SIPA1L2: variants seen among roughly 807,000 people sequenced by gnomAD.
The protein encoded by SIPA1L2 is signal-induced proliferation-associated 1-like protein 2.
A neutral mutation model predicts 163.9 loss-of-function variants in SIPA1L2; 56 were observed. That is an observed-to-expected ratio of 0.34 (90% CI 0.28 to 0.43). The LOEUF is 0.43. Ranked by LOEUF, SIPA1L2 falls within the 20% of genes least tolerant of loss-of-function variation. The pLI is 1.00. For synonymous variants in SIPA1L2, 877 were observed against 865.7 expected, an observed-to-expected ratio of 1.01 and a Z score of -0.23; for missense variants, 1,974 against 2,193.5, an observed-to-expected ratio of 0.90 and a Z score of 2.00.
At chr1:232,559,095 T>C (rs1046975376) in intron 2 of SIPA1L2, among the ~76,000 whole-genome samples, 5 of 152,180 alleles carry the variant, frequency 3.3e-5, no homozygotes, top group Non-Finnish European at 7.3e-5. Context: ...AGTAGAAGAA[T>C]GTCTGAATTT....
Position 232,439,227 on chromosome 1 carries a change from A to T in SIPA1L2, c.3912T>A (p.Ser1304=). ...AEQWADAADV[S]GPDDEPAKLY... ...ACTTGGCTGGCTCGTCGTCAGGCCC[A>T]GAGACGTCGGCAGCATCAGCCCACT... Residue 1304 remains serine, a synonymous_variant, in exon 15 of 23, where the codon TCT becomes TCA. Coordinates refer to ENST00000674635, the MANE Select transcript of SIPA1L2 (RefSeq NM_020808.5). 6.2e-7 allele frequency: 1 copy of T among 1,613,928 alleles called. No individual in the cohort carries two copies. Among genetic ancestry groups the T allele is most frequent in the East Asian group, 2.2e-5 (1 of 44,888 alleles).
At chr1:232,540,050 T>A (rs982491389) in intron 2 of SIPA1L2, among the ~76,000 whole-genome samples, 1 of 152,094 alleles carries the variant, frequency 6.6e-6, no homozygotes, top group African/African-American at 2.4e-5. Context: ...ACACCTGTAA[T>A]CCCAGCATTT....
At chr1:232,437,580 T>C (rs569815594) in intron 15 of SIPA1L2, among the ~76,000 whole-genome samples, 1 of 152,232 alleles carries the variant, frequency 6.6e-6, no homozygotes, top group African/African-American at 2.4e-5. Context: ...AATAATGTCC[T>C]GCTTCTCTTC....
intron 1 of SIPA1L2, among the ~76,000 whole-genome samples, chr1:232,626,485 T>C (rs1663086158): frequency 6.6e-6 from 1 of 152,150 alleles, no homozygotes; most frequent in South Asian, 2.1e-4. Flanking sequence ...AAGATCTGGC[T>C]CCCTTCTACA....
intron 10 of SIPA1L2, among the ~76,000 whole-genome samples, chr1:232,452,663 C>CGTCA (rs1182311932): frequency 6.6e-6 from 1 of 152,158 alleles, no homozygotes; most frequent in Middle Eastern, 3.2e-3. Context: ...GCAGGCTGAC[C>CGTCA]GTCAAGACCA....
intron 1 of SIPA1L2, among the ~76,000 whole-genome samples, chr1:232,584,444 C>T (rs768473290): frequency 2.0e-5 from 3 of 152,164 alleles, no homozygotes; most frequent in Non-Finnish European, 4.4e-5. Context: ...AGGATGGTCT[C>T]GATAGAGACC....
At chr1:232,464,712 G>A (rs2102928060) in intron 9 of SIPA1L2, 128 bp downstream of exon 9, 4 of 763,102 alleles carry the variant, frequency 5.2e-6, no homozygotes, top group East Asian at 5.5e-5. Flanking sequence ...ATTAAGCTCT[G>A]TATCTGTAAC....
Position 232,445,632 on chromosome 1 carries a change from G to A in SIPA1L2, c.3250C>T (p.Pro1084Ser). 6.2e-7 allele frequency: 1 copy of A among 1,613,994 alleles called. No individual in the cohort carries two copies. The part of the protein sequence containing the change: ...LQPLSRASPI[P>S]GTPDRLPCQQ... ...CACGGCAGCCGGTCGGGCGTGCCGGGGATGGGGGAAGCTCTAGAGAGGGGC... is the reference window on the plus strand; with the variant it reads ...CACGGCAGCCGGTCGGGCGTGCCGGAGATGGGGGAAGCTCTAGAGAGGGGC... Residue 1084 changes from proline (P) to serine (S), a missense_variant, in exon 11 of 23, where the codon CCC (proline) becomes TCC (serine). Coordinates refer to ENST00000674635, the MANE Select transcript of SIPA1L2 (RefSeq NM_020808.5).
intron 21 of SIPA1L2, 45 bp downstream of exon 21, chr1:232,403,403 A>G: frequency 2.5e-6 from 4 of 1,592,952 alleles, no homozygotes; most frequent in Admixed American, 1.7e-5. Flanking sequence ...TTGGCTAATC[A>G]TGCCTGGAAC....
intron 3 of SIPA1L2, among the ~76,000 whole-genome samples, chr1:232,497,786 A>G (rs1279927218): frequency 6.6e-6 from 1 of 152,132 alleles, no homozygotes; most frequent in Non-Finnish European, 1.5e-5. Context: ...TCAAGACTCC[A>G]GCTTGATTCT....
At chr1:232,531,534 C>A (rs1301128074) in intron 2 of SIPA1L2, among the ~76,000 whole-genome samples, 1 of 152,118 alleles carries the variant, frequency 6.6e-6, no homozygotes, top group Non-Finnish European at 1.5e-5. Flanking sequence ...TACTACCTTC[C>A]AGGTACTAGT....
chr1:232,485,529 C>T (rs1229757522), intron 5 of SIPA1L2, among the ~76,000 whole-genome samples: 1 of 152,130 alleles, frequency 6.6e-6, no homozygotes, highest in Middle Eastern at 3.4e-3. Context: ...CAATCATCTT[C>T]AAAAAAATAT....
chr1:232,400,014 C>T (rs1372697193), intron 22 of SIPA1L2, among the ~76,000 whole-genome samples: 1 of 152,146 alleles, frequency 6.6e-6, no homozygotes, highest in African/African-American at 2.4e-5. Flanking sequence ...TGGACGCCCC[C>T]ACCCTTGGCA....
chr1:232,511,906 C>T (rs1451036555), intron 3 of SIPA1L2, among the ~76,000 whole-genome samples: 1 of 152,178 alleles, frequency 6.6e-6, no homozygotes, highest in African/African-American at 2.4e-5. Context: ...AGCTTCTACA[C>T]AGCAAAAGAA....
intron 2 of SIPA1L2, among the ~76,000 whole-genome samples, chr1:232,520,316 AGTGGG>A (rs1374134057): frequency 1.3e-5 from 2 of 152,246 alleles, no homozygotes; most frequent in Non-Finnish European, 2.9e-5. Context: ...CCCCACAGGT[AGTGGG>A]GTGCCCCCAA....
intron 5 of SIPA1L2, among the ~76,000 whole-genome samples, chr1:232,486,152 G>A (rs1364943458): frequency 6.6e-6 from 1 of 152,128 alleles, no homozygotes; most frequent in Non-Finnish European, 1.5e-5. Context: ...CTTAAATGAG[G>A]AGTCCTGGAG....
At chr1:232,537,347 T>C (rs1022030171) in intron 2 of SIPA1L2, among the ~76,000 whole-genome samples, 1 of 152,184 alleles carries the variant, frequency 6.6e-6, no homozygotes, top group African/African-American at 2.4e-5. Flanking sequence ...ATCAATAAAA[T>C]TAAGAAATAT....
chr1:232,532,995 T>C (rs1160454936), intron 2 of SIPA1L2, among the ~76,000 whole-genome samples: 1 of 152,214 alleles, frequency 6.6e-6, no homozygotes, highest in Non-Finnish European at 1.5e-5. Flanking sequence ...TGTACAGATC[T>C]TTAAATCCCG....
intron 2 of SIPA1L2, among the ~76,000 whole-genome samples, chr1:232,529,017 GT>G (rs1667849513): frequency 6.6e-6 from 1 of 152,206 alleles, no homozygotes; most frequent in South Asian, 2.1e-4. Context: ...CAGAAGTTAA[GT>G]GATTTGCCTA....
Sources: allele counts gnomAD v4.1 joint callset (sites outside exome capture counted in the v4.1 genomes callset), GRCh38; gene constraint gnomAD v4.1.1; transcripts MANE v1.5; gene names NCBI Gene and HGNC (gene_info 2026-07-23, HGNC 2026-07-21).